PAPPA2: variants seen among roughly 807,000 people sequenced by gnomAD.
PAPPA2 encodes pappalysin-2.
A neutral mutation model predicts 176.4 loss-of-function variants in PAPPA2; 86 were observed. That is an observed-to-expected ratio of 0.49 (90% CI 0.41 to 0.58). The LOEUF (loss-of-function observed/expected upper bound fraction) is 0.58, where lower values mean the gene tolerates loss of function less well. PAPPA2 is among the 20% of genes least tolerant of loss of function. The pLI, the probability that PAPPA2 is intolerant of heterozygous loss-of-function variation, is 0.00. For synonymous variants in PAPPA2, 809 were observed against 852.2 expected (o/e 0.95, Z 0.88); for missense variants, 2,073 against 2,256.9 (o/e 0.92, Z 1.65).
At chr1:176,528,558 C>G (rs1157017025) in intron 1 of PAPPA2, among the ~76,000 whole-genome samples, 1 of 152,188 alleles carries the variant, frequency 6.6e-6, no homozygotes, top group East Asian at 1.9e-4. Context: ...GCCCCAAACA[C>G]TGAATGAGAA....
At chr1:176,816,244 T>C (rs911639802) in intron 21 of PAPPA2, among the ~76,000 whole-genome samples, 1 of 129,036 alleles carries the variant, frequency 7.7e-6, no homozygotes, top group African/African-American at 3.5e-5. Context: ...TGTGTGTGTA[T>C]ATATATATAT....
chr1:176,699,683 A>T (rs1660558580), intron 8 of PAPPA2, 94 bp downstream of exon 8: 1 of 1,487,526 alleles, frequency 6.7e-7, no homozygotes, highest in Non-Finnish European at 9.0e-7. Flanking sequence ...CCATGCCCTT[A>T]GTCGGAGGAA....
chr1:176,739,946 G>A, intron 13 of PAPPA2, 34 bp from the exon 14 acceptor site: 1 of 1,606,764 alleles, frequency 6.2e-7, no homozygotes, highest in Non-Finnish European at 8.5e-7. Context: ...ACTAACAATG[G>A]CTGAAAATAT....
intron 1 of PAPPA2, among the ~76,000 whole-genome samples, chr1:176,552,894 A>T (rs1199986228): frequency 2.0e-5 from 3 of 152,170 alleles, no homozygotes; most frequent in African/African-American, 7.2e-5. Flanking sequence ...ACCAGCTTTC[A>T]AGTCTGTGCA....
At chr1:176,530,263 T>C (rs1164773161) in intron 1 of PAPPA2, among the ~76,000 whole-genome samples, 1 of 152,220 alleles carries the variant, frequency 6.6e-6, no homozygotes, top group African/African-American at 2.4e-5. Context: ...CACATTTTCC[T>C]TGGGCTTTGA....
At chr1:176,743,279 G>A (rs1300389428) in intron 14 of PAPPA2, among the ~76,000 whole-genome samples, 2 of 152,122 alleles carry the variant, frequency 1.3e-5, no homozygotes, top group Non-Finnish European at 2.9e-5. Flanking sequence ...AAAGAGGAGA[G>A]GGAAACAGGT....
chr1:176,591,313 G>T (rs1037751824), intron 2 of PAPPA2, among the ~76,000 whole-genome samples: 1 of 152,136 alleles, frequency 6.6e-6, no homozygotes, highest in African/African-American at 2.4e-5. Context: ...TGGTGATCAA[G>T]GTAGCCCTAA....
At chr1:176,512,675 T>C (rs377734936) in intron 1 of PAPPA2, among the ~76,000 whole-genome samples, 10 of 152,312 alleles carry the variant, frequency 6.6e-5, no homozygotes, top group African/African-American at 2.4e-4. Context: ...TTTATTAATG[T>C]ATTGATTACA....
intron 9 of PAPPA2, among the ~76,000 whole-genome samples, chr1:176,705,036 T>C (rs2102826170): frequency 6.6e-6 from 1 of 152,286 alleles, no homozygotes; most frequent in African/African-American, 2.4e-5. Context: ...AATGAAAATA[T>C]AAAGTTGCCG....
intron 2 of PAPPA2, among the ~76,000 whole-genome samples, chr1:176,570,867 G>A (rs1285621258): frequency 6.6e-6 from 1 of 152,142 alleles, no homozygotes; most frequent in Non-Finnish European, 1.5e-5. Flanking sequence ...GAAGGCAGCT[G>A]TTCGTTTTGC....
At chr1:176,466,861 C>T (rs1483687532) in intron 1 of PAPPA2, among the ~76,000 whole-genome samples, 1 of 152,204 alleles carries the variant, frequency 6.6e-6, no homozygotes, top group Non-Finnish European at 1.5e-5. Flanking sequence ...CCAAGGGCAA[C>T]TTCCCTCTGG....
intron 1 of PAPPA2, among the ~76,000 whole-genome samples, chr1:176,480,121 G>C (rs1652321648): frequency 6.6e-6 from 1 of 152,098 alleles, no homozygotes; most frequent in Non-Finnish European, 1.5e-5. Context: ...TGGGGGAGGG[G>C]TCTGTGTGGA....
At chr1:176,819,703 C>A (rs990283906) in intron 21 of PAPPA2, among the ~76,000 whole-genome samples, 4 of 152,172 alleles carry the variant, frequency 2.6e-5, no homozygotes, top group Non-Finnish European at 4.4e-5. Flanking sequence ...AGCCATACTG[C>A]AGGTGATACA....
chr1:176,688,337 G>T (rs567807734), intron 4 of PAPPA2, among the ~76,000 whole-genome samples: 1 of 152,296 alleles, frequency 6.6e-6, no homozygotes, highest in East Asian at 1.9e-4. Context: ...AGGACTGGAG[G>T]CATAATTGTA....
intron 17 of PAPPA2, among the ~76,000 whole-genome samples, chr1:176,778,083 G>A (rs1220612710): frequency 1.3e-5 from 2 of 149,942 alleles, no homozygotes; most frequent in Non-Finnish European, 3.0e-5. Context: ...CAGGAAGACT[G>A]GAATTGGCAT....
intron 12 of PAPPA2, among the ~76,000 whole-genome samples, chr1:176,728,522 G>C (rs764728170): frequency 2.0e-5 from 3 of 151,912 alleles, no homozygotes; most frequent in Non-Finnish European, 2.9e-5. Flanking sequence ...ATGAGGGCTT[G>C]AATAAATGAA....
At chr1:176,496,330 AATATTCACTTTTAC>A (rs1647619108) in intron 1 of PAPPA2, among the ~76,000 whole-genome samples, 1 of 152,152 alleles carries the variant, frequency 6.6e-6, no homozygotes, top group Non-Finnish European at 1.5e-5. Flanking sequence ...TTGATATATA[AATATTCACTTTTAC>A]ATAGAGGTTT....
intron 3 of PAPPA2, among the ~76,000 whole-genome samples, chr1:176,650,683 T>C (rs1211956330): frequency 6.6e-6 from 1 of 151,696 alleles, no homozygotes; most frequent in African/African-American, 2.4e-5. Context: ...TGTCTTTTAA[T>C]TGTAGAATTG....
chr1:176,762,674 C>G (rs1663752854), intron 14 of PAPPA2, among the ~76,000 whole-genome samples: 1 of 152,270 alleles, frequency 6.6e-6, no homozygotes, highest in East Asian at 1.9e-4. Flanking sequence ...AATGAAGCAT[C>G]TTGATCACAT....
Sources: gnomAD v4.1 joint callset for allele counts (sites outside exome capture counted in the v4.1 genomes callset) on GRCh38, gnomAD v4.1.1 for gene constraint, MANE v1.5 for transcripts, NCBI Gene and HGNC (gene_info 2026-07-23, HGNC 2026-07-21) for gene names.